The following RASA1 variants were observed in gnomAD, a reference collection of about 807,000 sequenced individuals.
RASA1 encodes the protein RAS p21 protein activator 1.
Under a neutral mutation model 132.2 loss-of-function variants are expected in RASA1, and 25 were observed. That is an observed-to-expected ratio of 0.19 (90% CI 0.14 to 0.26). The LOEUF (loss-of-function observed/expected upper bound fraction) is 0.26. RASA1 is among the 10% of genes least tolerant of loss of function. The probability of loss-of-function intolerance (pLI) is 1.00; values close to 1 mark genes in which losing one functional copy is unlikely to be tolerated. For synonymous variants in RASA1, 477 were observed against 449.9 expected (o/e 1.06, Z -0.76); for missense variants, 964 against 1,299.2 (o/e 0.74, Z 3.97).
rs7736009 is a variant in RASA1 at position 87,386,800 on chromosome 5, T to C, written c.2848-26T>C. On this transcript the variant is annotated intron_variant, in intron 22 of 24. Transcript: ENST00000274376. Reference sequence around the variant, plus strand: ...CAAACAGTGGTTTGTTTCTGGTGCATATAACAGAAGCATTTTATTTTTCAG... The same window carrying C: ...CAAACAGTGGTTTGTTTCTGGTGCACATAACAGAAGCATTTTATTTTTCAG... The C allele has an allele frequency of 2.3e-3, 3,692 of 1,599,186 alleles. 61 individuals carry two copies. In the African/African-American group the frequency reaches 0.041, roughly 18 times the overall value.
rs894773669 is a variant in RASA1, at chr5:87,374,376, TTC to T, written c.1934+58_1934+59del. The T allele has an allele frequency of 1.1e-4, 163 of 1,519,168 alleles. No homozygotes were observed. The African/African-American group carries it at 1.8e-3, about 17-fold the overall frequency. The allele number at this position is 1,519,168 out of a possible 1,614,324, so 94.1% of individuals were successfully genotyped here. On this transcript the variant is annotated intron_variant, in intron 14 of 24. Coordinates refer to ENST00000274376, the MANE Select transcript of RASA1 (RefSeq NM_002890.3). ...TTTTCTTTTACCATATTGCATTTCT[TTC>T]TGTTTTTTTGGTCTCTGTATCTAAA...
chr5:87,303,293 A>AT (rs1346159529), intron 1 of RASA1, among the ~76,000 whole-genome samples: 1 of 148,748 alleles, frequency 6.7e-6, no homozygotes, highest in Admixed American at 6.7e-5. Context: ...CTAATTTTTC[A>AT]TTTTTTTTCC....
chr5:87,298,762 T>A (rs1466346914), intron 1 of RASA1, among the ~76,000 whole-genome samples: 1 of 152,198 alleles, frequency 6.6e-6, no homozygotes, highest in Non-Finnish European at 1.5e-5. Flanking sequence ...ATGTATTTAA[T>A]CAAAACCTAG....
chr5:87,270,048 C>T (rs961370943), intron 1 of RASA1, among the ~76,000 whole-genome samples: 3 of 151,962 alleles, frequency 2.0e-5, no homozygotes, highest in Non-Finnish European at 4.4e-5. Context: ...TCGAGACCAA[C>T]CTGGCCAACC....
chr5:87,355,827 G>A (rs571646535), intron 9 of RASA1, among the ~76,000 whole-genome samples: 7 of 152,344 alleles, frequency 4.6e-5, no homozygotes, highest in Admixed American at 1.3e-4. Context: ...GGAAGAAGCT[G>A]ATTCCAACTC....
intron 1 of RASA1, among the ~76,000 whole-genome samples, chr5:87,277,923 T>C (rs1485236066): frequency 6.6e-6 from 1 of 152,128 alleles, no homozygotes; most frequent in Non-Finnish European, 1.5e-5. Context: ...ATCCTACACA[T>C]GACCATGGTA....
At chr5:87,340,767 A>G (rs1240441106) in intron 5 of RASA1, among the ~76,000 whole-genome samples, 1 of 152,138 alleles carries the variant, frequency 6.6e-6, no homozygotes, top group Non-Finnish European at 1.5e-5. Context: ...GTAGAAAGCA[A>G]AAAGTGGAAA....
chr5:87,280,195 AAC>A (rs1246276723), intron 1 of RASA1, among the ~76,000 whole-genome samples: 1 of 152,168 alleles, frequency 6.6e-6, no homozygotes, highest in Non-Finnish European at 1.5e-5. Context: ...CTCTTCTGTA[AAC>A]ACCCTCACAG....
intron 4 of RASA1, among the ~76,000 whole-genome samples, chr5:87,335,956 C>T (rs1046214633): frequency 1.3e-5 from 2 of 152,132 alleles, no homozygotes; most frequent in African/African-American, 4.8e-5. Flanking sequence ...AAGTACCACT[C>T]GTTGAGTTTT....
intron 1 of RASA1, among the ~76,000 whole-genome samples, chr5:87,281,998 C>G (rs1392923489): frequency 6.6e-6 from 1 of 152,124 alleles, no homozygotes; most frequent in Admixed American, 6.5e-5. Context: ...CCACAGGCTA[C>G]TTTTTAGTTT....
rs1762502361 is a variant in RASA1 at position 87,391,363 on chromosome 5, C to CAATG, written c.*482_*485dup. 3.7e-6 allele frequency: 1 copy of CAATG among 268,342 alleles called. No individual in the cohort carries two copies. Among genetic ancestry groups the CAATG allele is most frequent in the African/African-American group, 2.1e-5 (1 of 46,536 alleles). The allele number at this position is 268,342 out of a possible 1,614,324, so 16.6% of individuals were successfully genotyped here. A position where few individuals can be genotyped will look rare whatever the true frequency, so the allele number is the denominator to read the frequency against. On this transcript the variant is annotated 3_prime_UTR_variant, in exon 25 of 25. Transcript: ENST00000274376. ...TTAGGAATATGACCATTTGACTGTT[C>CAATG]AATGATTATTTGTATTTACAGTTTC...
chr5:87,353,309 A>G (rs1759418059), intron 9 of RASA1, 74 bp downstream of exon 9: 2 of 1,171,544 alleles, frequency 1.7e-6, no homozygotes, highest in South Asian at 2.5e-5. Flanking sequence ...GTTTTTGCAC[A>G]CATTTGTACA....
intron 1 of RASA1, among the ~76,000 whole-genome samples, chr5:87,300,879 C>A (rs768119237): frequency 8.5e-5 from 13 of 152,140 alleles, no homozygotes; most frequent in Non-Finnish European, 1.6e-4. Context: ...GAGGCAGATG[C>A]ATGAATTTCT....
At chr5:87,357,117 C>CT (rs1759708705) in intron 9 of RASA1, among the ~76,000 whole-genome samples, 1 of 152,140 alleles carries the variant, frequency 6.6e-6, no homozygotes, top group Admixed American at 6.5e-5. Flanking sequence ...TCCTCTCTGC[C>CT]TATCTAAATA....
At chr5:87,312,125 A>G (rs980522665) in intron 1 of RASA1, among the ~76,000 whole-genome samples, 3 of 152,254 alleles carry the variant, frequency 2.0e-5, no homozygotes, top group African/African-American at 7.2e-5. Context: ...GATATGCATC[A>G]GTAAATGATA....
intron 1 of RASA1, among the ~76,000 whole-genome samples, chr5:87,312,867 CAGATTTG>C (rs1756023555): frequency 6.6e-6 from 1 of 152,114 alleles, no homozygotes; most frequent in Non-Finnish European, 1.5e-5. Flanking sequence ...GAGAAAAAAA[CAGATTTG>C]TTAGTATGAG....
intron 6 of RASA1, among the ~76,000 whole-genome samples, chr5:87,344,558 G>A (rs549698797): frequency 5.9e-5 from 9 of 151,952 alleles, no homozygotes; most frequent in African/African-American, 9.7e-5. Context: ...TGCCCAAGCC[G>A]GAGTGCAGTA....
At chr5:87,368,191 G>A (rs1184845226) in intron 11 of RASA1, among the ~76,000 whole-genome samples, 1 of 151,434 alleles carries the variant, frequency 6.6e-6, no homozygotes, top group Non-Finnish European at 1.5e-5. Flanking sequence ...TTTTTCCTCT[G>A]TACCAACCTA....
In RASA1 at chr5:87,374,417, G is replaced by T. The variant is rs553630737; in HGVS notation, c.1934+97G>T. ...TCTGTATCTAAACCATCAGAACAAG[G>T]TACCATATCCAGGTGTTCTAATAGC... On this transcript the variant is annotated intron_variant, in intron 14 of 24. Coordinates refer to ENST00000274376, the MANE Select transcript of RASA1 (RefSeq NM_002890.3). The T allele has an allele frequency of 4.0e-5, 39 of 981,818 alleles. No individual in the cohort carries two copies. In the African/African-American group the frequency reaches 6.4e-4, roughly 16 times the overall value. 60.8% of individuals were successfully genotyped at this position (981,818 alleles called of 1,614,324 possible).
Sources: allele counts gnomAD v4.1 joint callset (sites outside exome capture counted in the v4.1 genomes callset), GRCh38; gene constraint gnomAD v4.1.1; transcripts MANE v1.5; gene names NCBI Gene and HGNC (gene_info 2026-07-23, HGNC 2026-07-21).